The following RRP15 variants were observed in gnomAD, a reference collection of about 807,000 sequenced individuals.
RRP15 encodes RRP15-like protein.
In RRP15, 18 loss-of-function variants were observed where a neutral mutation model predicts 27.1. The ratio of observed to expected loss-of-function variants is 0.66; its 90% CI spans 0.46 to 0.98. The LOEUF (loss-of-function observed/expected upper bound fraction) is 0.98. Among genes scored for constraint, RRP15 ranks in the 50% least tolerant of loss-of-function variants. The pLI, the probability that RRP15 is intolerant of heterozygous loss-of-function variation, is 0.00. For missense variants in RRP15, 359 were observed against 337.8 expected (o/e 1.06, Z -0.49); for synonymous variants, 107 against 109.4 (o/e 0.98, Z 0.14).
Position 218,330,948 on chromosome 1 carries a change from A to G in RRP15, c.706A>G (p.Thr236Ala), listed in dbSNP as rs1190940231. The change falls in exon 5 of 5, where the codon ACT becomes GCT. Residue 236 changes from threonine to alanine, a missense_variant and splice_region_variant. By Grantham distance (58) the Thr-to-Ala change is moderately conservative. Coordinates refer to ENST00000366932, the MANE Select transcript of RRP15 (RefSeq NM_016052.4). Reference protein sequence around the residue: ...SSRKKPKAKQTEVKSEEGPGW... With the variant: ...SSRKKPKAKQAEVKSEEGPGW... ...ATTTTGATTCTATAATTTTCCTTAG[A>G]CTGAAGTGAAATCAGAAGAAGGCCC... is the stretch of plus-strand genomic sequence containing the variant. The G allele has an allele frequency of 6.2e-7, 1 of 1,610,848 alleles. No individual in the cohort carries two copies. The highest frequency in any genetic ancestry group is 1.1e-5 in the South Asian group (1 of 90,582).
intron 1 of RRP15, among the ~76,000 whole-genome samples, chr1:218,290,708 A>T (rs1655625273): frequency 6.6e-6 from 1 of 152,164 alleles, no homozygotes; most frequent in Non-Finnish European, 1.5e-5. Context: ...AGCTCAATTG[A>T]TCTGCCTGCC....
intron 2 of RRP15, 106 bp downstream of exon 2, chr1:218,302,665 T>A (rs1350355969): frequency 1.3e-6 from 2 of 1,497,874 alleles, no homozygotes; most frequent in East Asian, 4.6e-5. Context: ...TTCCAGTTTT[T>A]AACTTGTTTT....
chr1:218,288,675 AT>A (rs1290178315), intron 1 of RRP15, among the ~76,000 whole-genome samples: 3 of 152,226 alleles, frequency 2.0e-5, no homozygotes, highest in African/African-American at 7.2e-5. Context: ...GACATAGATA[AT>A]TTTAAAAAGT....
chr1:218,302,588 AGATT>A (rs757409065), intron 2 of RRP15, 29 bp downstream of exon 2: 2 of 1,600,432 alleles, frequency 1.2e-6, no homozygotes, highest in Non-Finnish European at 1.7e-6. Flanking sequence ...CTTGTAGATT[AGATT>A]GTTTGTCTAG....
At chr1:218,327,246 C>T (rs940885271) in intron 4 of RRP15, among the ~76,000 whole-genome samples, 1 of 152,120 alleles carries the variant, frequency 6.6e-6, no homozygotes, top group Admixed American at 6.6e-5. Context: ...TTTCTTTCTA[C>T]GTGTGTCTTT....
rs139300120 is a variant in RRP15, at chr1:218,326,959, C to T, written c.706-3989C>T. Among the ~76,000 whole-genome samples the T allele has an allele frequency of 5.2e-3, 799 of 152,336 alleles. 6 individuals carry two copies. Among genetic ancestry groups the T allele is most frequent in the African/African-American group, 0.018 (759 of 41,578 alleles). On this transcript the variant is annotated intron_variant, in intron 4 of 4. Coordinates refer to ENST00000366932, the MANE Select transcript of RRP15 (RefSeq NM_016052.4). ...AACTTCCAGAAGTCCCTGATACATACTGCCAGTTTCTGTTTCTTTTGCAGA... is the reference window on the plus strand; with the variant it reads ...AACTTCCAGAAGTCCCTGATACATATTGCCAGTTTCTGTTTCTTTTGCAGA...
chr1:218,319,513 T>G (rs1656153338), intron 4 of RRP15, among the ~76,000 whole-genome samples: 1 of 152,218 alleles, frequency 6.6e-6, no homozygotes, highest in African/African-American at 2.4e-5. Flanking sequence ...TGGCATGACC[T>G]CATTTTCTTT....
intron 2 of RRP15, chr1:218,302,806 T>A: frequency 2.3e-6 from 1 of 426,684 alleles, no homozygotes; most frequent in Non-Finnish European, 4.0e-6. Context: ...AAACATCTTT[T>A]TAAAATCAAG....
At chr1:218,329,824 A>T (rs1324187939) in intron 4 of RRP15, among the ~76,000 whole-genome samples, 3 of 146,192 alleles carry the variant, frequency 2.1e-5, no homozygotes, top group Admixed American at 6.8e-5. Context: ...ATAGTGGTCA[A>T]TTTTTTTTTT....
Position 218,285,297 on chromosome 1 carries a change from G to T in RRP15, c.-20G>T. On this transcript the variant is annotated 5_prime_UTR_variant, in exon 1 of 5. Transcript: ENST00000366932. ...TTGCCACCGGACGCAACTGTCAGGT[G>T]ACGCTTCCGGCGCAGAAAAATGGCA... The T allele has an allele frequency of 6.2e-7, 1 of 1,612,714 alleles. No homozygotes were observed.
intron 4 of RRP15, among the ~76,000 whole-genome samples, chr1:218,329,277 A>G (rs936815334): frequency 7.1e-6 from 1 of 140,260 alleles, no homozygotes; most frequent in Middle Eastern, 3.4e-3. Context: ...AAAATTAGCC[A>G]GGCATGATGG....
chr1:218,311,377 A>G (rs567649641), intron 4 of RRP15, among the ~76,000 whole-genome samples: 1 of 152,160 alleles, frequency 6.6e-6, no homozygotes, highest in Non-Finnish European at 1.5e-5. Context: ...CAATGTGAAT[A>G]TTGTTCACTG....
In RRP15 at chr1:218,295,981, A is replaced by T. The variant is rs192934393; in HGVS notation, c.140-6313A>T. 7.4e-4 allele frequency among the ~76,000 whole-genome samples: 113 copies of T among 152,272 alleles called. 1 individual carries two copies. Among genetic ancestry groups the T allele is most frequent in the African/African-American group, 2.6e-3 (107 of 41,546 alleles). On this transcript the variant is annotated intron_variant, in intron 1 of 4. Transcript: ENST00000366932. ...AATTTAGTAATTGGCAGGAAAGACC[A>T]TGTGGCATGAGCAGAACAGATGATT...
At chr1:218,320,107 T>C (rs960116735) in intron 4 of RRP15, among the ~76,000 whole-genome samples, 2 of 151,244 alleles carry the variant, frequency 1.3e-5, no homozygotes, top group African/African-American at 4.9e-5. Context: ...ATGTGCACAA[T>C]GTGCAGGTTC....
intron 2 of RRP15, among the ~76,000 whole-genome samples, chr1:218,304,218 C>A (rs1020209918): frequency 7.2e-5 from 11 of 152,086 alleles, no homozygotes; most frequent in Non-Finnish European, 4.4e-5. Context: ...TTAATAAAAA[C>A]GTTGTCTTTA....
chr1:218,324,226 T>A (rs576159570), intron 4 of RRP15, among the ~76,000 whole-genome samples: 37 of 152,160 alleles, frequency 2.4e-4, no homozygotes, highest in Non-Finnish European at 4.6e-4. Context: ...ATGTTTTCCC[T>A]GCAGCAGCAG....
At chr1:218,296,657 GGAAAA>G (rs1242193849) in intron 1 of RRP15, among the ~76,000 whole-genome samples, 1 of 149,508 alleles carries the variant, frequency 6.7e-6, no homozygotes, top group South Asian at 2.1e-4. Flanking sequence ...AAAAAAAAAA[GGAAAA>G]GAAAATAAGT....
In RRP15 at chr1:218,304,511, G is replaced by A. The variant is rs116257405; in HGVS notation, c.406-517G>A. On this transcript the variant is annotated intron_variant, in intron 2 of 4. Transcript: ENST00000366932. Reference sequence around the variant, plus strand: ...ATTGGTCAGATATGCTACGAGAGGAGAAATGGATTTAAATGATTCTCTGCA... The same window carrying A: ...ATTGGTCAGATATGCTACGAGAGGAAAAATGGATTTAAATGATTCTCTGCA... 5.3e-3 allele frequency among the ~76,000 whole-genome samples: 813 copies of A among 152,340 alleles called. 7 individuals are homozygous for A. Among genetic ancestry groups the A allele is most frequent in the African/African-American group, 0.018 (733 of 41,580 alleles).
chr1:218,302,179 G>T, intron 1 of RRP15, 115 bp from the exon 2 acceptor site: 1 of 733,248 alleles, frequency 1.4e-6, no homozygotes. Flanking sequence ...ACTCAGAAAA[G>T]TACCCCCCTT....
Sources: gnomAD v4.1 joint callset for allele counts (sites outside exome capture counted in the v4.1 genomes callset) on GRCh38, gnomAD v4.1.1 for gene constraint, MANE v1.5 for transcripts, NCBI Gene and HGNC (gene_info 2026-07-23, HGNC 2026-07-21) for gene names.